The following CNKSR2 variants were observed in gnomAD, a reference collection of about 807,000 sequenced individuals.
CNKSR2 encodes the protein CNK homolog protein 2.
In CNKSR2, 14 loss-of-function variants were observed where a neutral mutation model predicts 84.4. The observed-to-expected ratio is 0.17, with a 90% CI of 0.11 to 0.26. The LOEUF (loss-of-function observed/expected upper bound fraction) is 0.26. Ranked by LOEUF, CNKSR2 falls within the 10% of genes least tolerant of loss-of-function variation. CNKSR2 has a pLI of 1.00. For synonymous variants in CNKSR2, 275 were observed against 277.9 expected (o/e 0.99, Z 0.10); for missense variants, 485 against 771.2 (o/e 0.63, Z 4.40).
intron 5 of CNKSR2, among the ~76,000 whole-genome samples, chrX:21,472,919 A>G (rs2091215930): frequency 9.0e-6 from 1 of 111,426 alleles, no homozygotes; most frequent in Non-Finnish European, 1.9e-5. Flanking sequence ...TTATTAAATA[A>G]AAACCATAAT....
intron 17 of CNKSR2, among the ~76,000 whole-genome samples, chrX:21,596,287 G>A (rs986638081): frequency 9.0e-6 from 1 of 111,288 alleles, no homozygotes; most frequent in Non-Finnish European, 1.9e-5. Flanking sequence ...CCCAATCTCA[G>A]CTCTACACTG....
chrX:21,592,948 GT>G (rs1474663063), intron 15 of CNKSR2: 1 of 108,324 alleles, frequency 9.2e-6, no homozygotes, highest in Admixed American at 1.0e-4. Flanking sequence ...GTCTTTCAAA[GT>G]TTAAGTGATG....
chrX:21,392,640 C>T (rs1416657361), intron 1 of CNKSR2, among the ~76,000 whole-genome samples: 3 of 111,660 alleles, frequency 2.7e-5, no homozygotes, highest in Non-Finnish European at 5.6e-5. Flanking sequence ...CTGGGGATTA[C>T]AGTTCAACAT....
intron 7 of CNKSR2, among the ~76,000 whole-genome samples, chrX:21,499,270 G>C (rs1172879299): frequency 9.0e-6 from 1 of 111,532 alleles, no homozygotes; most frequent in African/African-American, 3.3e-5. Flanking sequence ...CTATGTTTCA[G>C]GCATGGTGCT....
chrX:21,615,938 T>C (rs1476128758), intron 20 of CNKSR2, among the ~76,000 whole-genome samples: 1 of 111,997 alleles, frequency 8.9e-6, no homozygotes, highest in African/African-American at 3.2e-5. Context: ...TGTTCCTCAT[T>C]TCACATTCCT....
chrX:21,525,237 C>T (rs2091823561), intron 9 of CNKSR2, among the ~76,000 whole-genome samples: 1 of 110,941 alleles, frequency 9.0e-6, no homozygotes, highest in Non-Finnish European at 1.9e-5. Context: ...GTACAGGTGA[C>T]TCCTATGATT....
At chrX:21,464,173 G>A (rs1444096847) in intron 4 of CNKSR2, among the ~76,000 whole-genome samples, 4 of 112,317 alleles carry the variant, frequency 3.6e-5, no homozygotes, top group Non-Finnish European at 7.5e-5. Flanking sequence ...GTTAGGACTC[G>A]TTTAAATGCT....
chrX:21,554,314 A>G (rs1216101208), intron 11 of CNKSR2, among the ~76,000 whole-genome samples: 1 of 111,998 alleles, frequency 8.9e-6, no homozygotes, highest in Non-Finnish European at 1.9e-5. Context: ...CACAACCACA[A>G]TGGAGCTTAT....
chrX:21,425,135 A>G (rs2090548338), intron 1 of CNKSR2: 1 of 111,711 alleles, frequency 9.0e-6, no homozygotes, highest in East Asian at 2.8e-4. Flanking sequence ...TATTCTCTAG[A>G]TATCCTCTTA....
chrX:21,444,620 G>A (rs1447346924), intron 4 of CNKSR2, among the ~76,000 whole-genome samples: 1 of 110,615 alleles, frequency 9.0e-6, no homozygotes, highest in Non-Finnish European at 1.9e-5. Context: ...GGCCACTCGA[G>A]TTATTTTGTG....
At chrX:21,491,175 A>G (rs2091438392) in intron 6 of CNKSR2, 1 of 111,443 alleles carries the variant, frequency 9.0e-6, no homozygotes, top group African/African-American at 3.3e-5. Context: ...TAAAAAGTGT[A>G]TTGGTTCTAG....
chrX:21,460,089 A>G (rs762351631), intron 4 of CNKSR2, among the ~76,000 whole-genome samples: 1 of 110,637 alleles, frequency 9.0e-6, no homozygotes, highest in East Asian at 2.9e-4. Flanking sequence ...CACCATACAT[A>G]CTCTGTTCTG....
chrX:21,441,938 C>T (rs1405239418), intron 4 of CNKSR2, among the ~76,000 whole-genome samples: 1 of 111,543 alleles, frequency 9.0e-6, no homozygotes, highest in East Asian at 2.8e-4. Flanking sequence ...ATGAGATAAT[C>T]AATATCTAAA....
chrX:21,508,835 A>G (rs1442707649), intron 8 of CNKSR2, among the ~76,000 whole-genome samples: 1 of 112,473 alleles, frequency 8.9e-6, no homozygotes, highest in Non-Finnish European at 1.9e-5. Flanking sequence ...CACCTTTGGT[A>G]AAACTATGTG....
At position 21,652,599 on chromosome X, in the gene CNKSR2, T is replaced by C; in HGVS notation, c.*78T>C. The stretch of plus-strand genomic sequence containing the variant: ...ATAAGGTAGTTTTTATATCAATGTG[T>C]GGAACACTTGACAAGCTATACTTTA... On this transcript the variant is annotated 3_prime_UTR_variant, in exon 22 of 22. Transcript: ENST00000379510. 1 of 734,385 alleles carries C rather than the reference T, an allele frequency of 1.4e-6. No homozygotes were observed. Among genetic ancestry groups the C allele is most frequent in the Admixed American group, 2.5e-5 (1 of 39,243 alleles). 60.5% of individuals were successfully genotyped at this position (734,385 alleles called of 1,213,427 possible).
intron 20 of CNKSR2, among the ~76,000 whole-genome samples, chrX:21,631,021 AT>A (rs200989845): frequency 8.2e-5 from 9 of 109,251 alleles, no homozygotes; most frequent in Non-Finnish European, 1.9e-5. Context: ...TAATATTGGG[AT>A]TTTTTTTTAA....
At chrX:21,521,789 T>C (rs1028397645) in intron 9 of CNKSR2, among the ~76,000 whole-genome samples, 19 of 110,834 alleles carry the variant, frequency 1.7e-4, no homozygotes, top group Non-Finnish European at 3.4e-4. Flanking sequence ...AAAAAAACAC[T>C]TGTTTTCTCT....
At chrX:21,607,459 C>G (rs191390958) in intron 19 of CNKSR2, among the ~76,000 whole-genome samples, 6 of 111,301 alleles carry the variant, frequency 5.4e-5, no homozygotes, top group Middle Eastern at 9.4e-3. Flanking sequence ...TGGCCCTTTC[C>G]CATCAGAATT....
Position 21,501,455 on chromosome X carries a change from T to G in CNKSR2, c.742-65T>G. 7.5e-6 allele frequency: 5 copies of G among 667,703 alleles called. No homozygotes were observed. In the Admixed American group the frequency reaches 1.5e-4, roughly 20 times the overall value. The allele number at this position is 667,703 out of a possible 1,213,427, so 55.0% of individuals were successfully genotyped here. Reference sequence around the variant, plus strand: ...TATGGAGATGAACTTTTTGTAGTGTTTCCAGAGACAGGAAATGACTGATAA... The same window carrying G: ...TATGGAGATGAACTTTTTGTAGTGTGTCCAGAGACAGGAAATGACTGATAA... On this transcript the variant is annotated intron_variant, in intron 7 of 21. Coordinates refer to ENST00000379510, the MANE Select transcript of CNKSR2 (RefSeq NM_014927.5).
Sources: allele counts gnomAD v4.1 joint callset (sites outside exome capture counted in the v4.1 genomes callset), GRCh38; gene constraint gnomAD v4.1.1; transcripts MANE v1.5; gene names NCBI Gene and HGNC (gene_info 2026-07-23, HGNC 2026-07-21).